Variants in LRBA observed in about 807,000 individuals in gnomAD.
The protein encoded by LRBA is LPS responsive beige-like anchor protein, also known as lipopolysaccharide-responsive and beige-like anchor protein.
A neutral mutation model predicts 330.0 loss-of-function variants in LRBA; 176 were observed. That is an observed-to-expected ratio of 0.53 (90% CI 0.47 to 0.60). The LOEUF is 0.60. LRBA is among the 20% of genes least tolerant of loss of function. The pLI is 0.00. For missense variants in LRBA, 3,259 were observed against 3,444.8 expected (o/e 0.95, Z 1.35); for synonymous variants, 1,230 against 1,193.0 (o/e 1.03, Z -0.64).
At chr4:150,809,121 T>C (rs1743233289) in intron 31 of LRBA, among the ~76,000 whole-genome samples, 1 of 152,096 alleles carries the variant, frequency 6.6e-6, no homozygotes, top group Admixed American at 6.6e-5. Flanking sequence ...AAGAGAAAAC[T>C]GAGAATTGTA....
intron 36 of LRBA, among the ~76,000 whole-genome samples, chr4:150,684,703 T>C (rs1783375990): frequency 6.6e-6 from 1 of 152,204 alleles, no homozygotes; most frequent in Non-Finnish European, 1.5e-5. Context: ...GATGTAGACT[T>C]GGTCCTTTGT....
chr4:150,992,038 G>A (rs1359715098), intron 2 of LRBA, among the ~76,000 whole-genome samples: 1 of 152,190 alleles, frequency 6.6e-6, no homozygotes, highest in Non-Finnish European at 1.5e-5. Context: ...TAACAAGGCT[G>A]GGCGCAGTGG....
intron 42 of LRBA, among the ~76,000 whole-genome samples, chr4:150,486,487 A>T (rs1488879028): frequency 6.6e-6 from 1 of 151,908 alleles, no homozygotes; most frequent in Non-Finnish European, 1.5e-5. Context: ...TAATGAAAAC[A>T]TGGAAATAAA....
intron 40 of LRBA, among the ~76,000 whole-genome samples, chr4:150,521,245 T>A (rs543226465): frequency 1.3e-3 from 204 of 152,236 alleles, no homozygotes; most frequent in Admixed American, 2.2e-3. Flanking sequence ...CTTCCTTATG[T>A]TTGAGTTTAA....
chr4:150,492,772 G>T (rs1418590696), intron 40 of LRBA, among the ~76,000 whole-genome samples: 2 of 151,902 alleles, frequency 1.3e-5, no homozygotes, highest in Non-Finnish European at 2.9e-5. Context: ...TCTTCCTCAG[G>T]GCTTTGTTTT....
Position 150,350,032 on chromosome 4 carries a change from G to T in LRBA, c.7322C>A (p.Ala2441Asp). The change falls in exon 48 of 57, where the codon GCT becomes GAT. Residue 2441 changes from alanine (A) to aspartate (D), a missense_variant. Physicochemically the swap from Ala to Asp is moderately radical, Grantham distance 126 (BLOSUM62 -2). Coordinates refer to ENST00000651943, the MANE Select transcript of LRBA (RefSeq NM_001364905.1). ...ATCAGTTATTGAATTCAGATTGACA[G>T]CTCCTTCATAGGTCAAGTAATAGAA... is the stretch of plus-strand genomic sequence containing the variant. ...NVFYYLTYEGAVNLNSITDPV... is the reference protein window; with the variant it reads ...NVFYYLTYEGDVNLNSITDPV... The T allele has an allele frequency of 1.2e-6, 2 of 1,613,694 alleles. No homozygotes were observed. The highest frequency in any genetic ancestry group is 1.7e-6 in the Non-Finnish European group (2 of 1,179,768).
chr4:150,581,077 C>T (rs1771261216), intron 40 of LRBA: 1 of 157,396 alleles, frequency 6.4e-6, no homozygotes, highest in East Asian at 1.9e-4. Context: ...ATTTTAGTAG[C>T]TTATTTTAAA....
chr4:150,980,348 A>G (rs1285341628), intron 2 of LRBA, among the ~76,000 whole-genome samples: 1 of 152,234 alleles, frequency 6.6e-6, no homozygotes, highest in African/African-American at 2.4e-5. Flanking sequence ...AAAGCCATAT[A>G]TGACAACCAC....
At chr4:150,423,299 C>A in intron 46 of LRBA, 1 of 790,538 alleles carries the variant, frequency 1.3e-6, no homozygotes, top group South Asian at 1.6e-5. Context: ...TTCAAACATT[C>A]CTAATCATCC....
intron 47 of LRBA, among the ~76,000 whole-genome samples, chr4:150,385,680 G>T (rs1283221657): frequency 6.6e-6 from 1 of 152,186 alleles, no homozygotes; most frequent in Non-Finnish European, 1.5e-5. Flanking sequence ...ATGAGGGGTT[G>T]AAAGCTACTA....
intron 40 of LRBA, among the ~76,000 whole-genome samples, chr4:150,577,575 C>T (rs1031994716): frequency 2.0e-5 from 3 of 151,922 alleles, no homozygotes; most frequent in Non-Finnish European, 4.4e-5. Flanking sequence ...AGTATAAATC[C>T]TCCAGAAATG....
At chr4:150,884,439 T>C (rs1367367252) in intron 17 of LRBA, among the ~76,000 whole-genome samples, 2 of 152,172 alleles carry the variant, frequency 1.3e-5, no homozygotes, top group African/African-American at 4.8e-5. Flanking sequence ...CAAGAGAGAC[T>C]AGATAAGTAG....
chr4:150,877,913 A>G (rs116197722), intron 17 of LRBA, among the ~76,000 whole-genome samples: 3,478 of 152,328 alleles, frequency 0.023, 123 homozygotes, highest in African/African-American at 0.079. Flanking sequence ...AAGTTGAACA[A>G]CTTGCTCCTG....
At chr4:150,668,096 G>A (rs139590298) in intron 37 of LRBA, among the ~76,000 whole-genome samples, 4 of 152,148 alleles carry the variant, frequency 2.6e-5, no homozygotes, top group Admixed American at 2.0e-4. Flanking sequence ...AAAAGTTCCT[G>A]ATAATGATGG....
chr4:150,284,262 A>C (rs2126772355), intron 54 of LRBA, among the ~76,000 whole-genome samples: 1 of 152,312 alleles, frequency 6.6e-6, no homozygotes, highest in East Asian at 1.9e-4. Context: ...GGAATATTTC[A>C]TGACATTGAA....
intron 40 of LRBA, among the ~76,000 whole-genome samples, chr4:150,511,873 A>G (rs1761871903): frequency 6.6e-6 from 1 of 152,234 alleles, no homozygotes; most frequent in Non-Finnish European, 1.5e-5. Flanking sequence ...CTCCCACCAC[A>G]GAGAACTTCT....
intron 37 of LRBA, among the ~76,000 whole-genome samples, chr4:150,677,629 T>C (rs932976208): frequency 6.6e-6 from 1 of 152,232 alleles, no homozygotes; most frequent in Non-Finnish European, 1.5e-5. Flanking sequence ...TTTTTTGCTT[T>C]ATATTCATTC....
rs532017485 is a variant in LRBA at position 150,932,682 on chromosome 4, G to A, written c.217-3617C>T. On this transcript the variant is annotated intron_variant, in intron 2 of 56. Coordinates refer to ENST00000651943, the MANE Select transcript of LRBA (RefSeq NM_001364905.1). ...TGTAATCCCGGGACTTTGGGAGGCC[G>A]AGGCAGGTGGATCCCTTGAGCGCAG... Among the ~76,000 whole-genome samples the A allele has an allele frequency of 3.0e-4, 45 of 152,132 alleles. 2 individuals are homozygous for A. In the South Asian group the frequency reaches 8.9e-3, roughly 30 times the overall value.
intron 40 of LRBA, among the ~76,000 whole-genome samples, chr4:150,499,930 G>T (rs531740419): frequency 6.6e-6 from 1 of 152,052 alleles, no homozygotes; most frequent in African/African-American, 2.4e-5. Flanking sequence ...GATACTAGAG[G>T]TTGGAAAGTG....
Sources: allele counts gnomAD v4.1 joint callset (sites outside exome capture counted in the v4.1 genomes callset), GRCh38; gene constraint gnomAD v4.1.1; transcripts MANE v1.5; gene names NCBI Gene and HGNC (gene_info 2026-07-23, HGNC 2026-07-21).